Variants in ZNF487 observed in about 807,000 individuals in gnomAD.
ZNF487 encodes the protein zinc finger protein 487.
Under a neutral mutation model 3.0 loss-of-function variants are expected in ZNF487, and 4 were observed. The ratio of observed to expected loss-of-function variants is 1.35; its 90% CI spans 0.66 to 3.08. The LOEUF is 3.08. ZNF487 is among the 30% of genes most tolerant of loss of function. The probability of loss-of-function intolerance (pLI) is 0.01; values close to 1 mark genes in which losing one functional copy is unlikely to be tolerated. For missense variants in ZNF487, 146 were observed against 98.7 expected (o/e 1.48, Z -2.03); for synonymous variants, 55 against 34.6 (o/e 1.59, Z -2.06).
chr10:43,453,336 T>C (rs1272711776), intron 1 of ZNF487: 1 of 152,160 alleles, frequency 6.6e-6, no homozygotes, highest in Non-Finnish European at 1.5e-5. Context: ...AGATTCATAA[T>C]TGTAAGTCCT....
chr10:43,469,376 A>G (rs1219621338), intron 1 of ZNF487, among the ~76,000 whole-genome samples: 1 of 152,024 alleles, frequency 6.6e-6, no homozygotes, highest in Non-Finnish European at 1.5e-5. Flanking sequence ...GTATTTTTAT[A>G]GAGACGGGCT....
intron 1 of ZNF487, among the ~76,000 whole-genome samples, chr10:43,470,705 A>G (rs1840876794): frequency 6.6e-6 from 1 of 152,056 alleles, no homozygotes; most frequent in Non-Finnish European, 1.5e-5. Context: ...TTTATTGTAG[A>G]GATGGGATTT....
chr10:43,445,581 C>G (rs145490619), intron 1 of ZNF487, among the ~76,000 whole-genome samples: 1 of 150,422 alleles, frequency 6.6e-6, no homozygotes, highest in Non-Finnish European at 1.5e-5. Flanking sequence ...TTCCCCACTG[C>G]TAAGGCTAGA....
chr10:43,445,959 T>G (rs867204312), intron 1 of ZNF487, among the ~76,000 whole-genome samples: 9 of 152,178 alleles, frequency 5.9e-5, no homozygotes, highest in East Asian at 1.9e-4. Context: ...AACCCTGAGT[T>G]GACACAGCAC....
chr10:43,488,997 C>T, the ZNF487 span, among the ~76,000 whole-genome samples: 42 of 151,822 alleles, frequency 2.8e-4, no homozygotes, highest in South Asian at 5.2e-3. Flanking sequence ...GTGGCCTATG[C>T]GTGTAGTCCT....
At chr10:43,477,189 TTTTC>T in intron 3 of ZNF487, among the ~76,000 whole-genome samples, 1 of 152,136 alleles carries the variant, frequency 6.6e-6, no homozygotes, top group East Asian at 1.9e-4. Flanking sequence ...TTTTTTTTCT[TTTTC>T]TTTCTTTATT....
chr10:43,438,018 C>G (rs1286989866), intron 1 of ZNF487, among the ~76,000 whole-genome samples: 1 of 151,952 alleles, frequency 6.6e-6, no homozygotes, highest in Non-Finnish European at 1.5e-5. Context: ...GTTCCTTTGC[C>G]TCCTAGTGTT....
At chr10:43,451,180 A>T (rs1475273177) in intron 1 of ZNF487, among the ~76,000 whole-genome samples, 1 of 151,742 alleles carries the variant, frequency 6.6e-6, no homozygotes, top group Non-Finnish European at 1.5e-5. Flanking sequence ...TCCCGACCTC[A>T]GGTGATACGC....
intron 1 of ZNF487, among the ~76,000 whole-genome samples, chr10:43,440,723 G>A (rs1339579570): frequency 6.6e-6 from 1 of 150,906 alleles, no homozygotes; most frequent in Non-Finnish European, 1.5e-5. Context: ...GTGTAGTTCC[G>A]CCTCATGGCT....
chr10:43,495,785 T>G, the ZNF487 span, among the ~76,000 whole-genome samples: 1 of 152,200 alleles, frequency 6.6e-6, no homozygotes, highest in Non-Finnish European at 1.5e-5. Flanking sequence ...TTCCAGCACA[T>G]TGGGGAACTT....
chr10:43,467,818 GAAAA>G (rs548891339), intron 1 of ZNF487, among the ~76,000 whole-genome samples: 1 of 124,874 alleles, frequency 8.0e-6, no homozygotes, highest in Non-Finnish European at 1.7e-5. Flanking sequence ...CTCTATCTCA[GAAAA>G]AAAAAAAAAA....
chr10:43,440,732 C>T (rs1564410055), intron 1 of ZNF487, among the ~76,000 whole-genome samples: 1 of 151,722 alleles, frequency 6.6e-6, no homozygotes. Context: ...CGCCTCATGG[C>T]TCCCTCCTTT....
At chr10:43,513,956 G>T in the ZNF487 span, among the ~76,000 whole-genome samples, 1 of 152,166 alleles carries the variant, frequency 6.6e-6, no homozygotes, top group African/African-American at 2.4e-5. Context: ...CCTGGTAAAA[G>T]GTTGGAGGTC....
At chr10:43,466,015 G>A (rs61859962) in intron 1 of ZNF487, among the ~76,000 whole-genome samples, 4,259 of 152,086 alleles carry the variant, frequency 0.028, 96 homozygotes, top group South Asian at 0.041. Context: ...GCGAAACCCC[G>A]TCTCCACCAA....
chr10:43,456,828 G>A (rs1277096227), intron 1 of ZNF487, among the ~76,000 whole-genome samples: 1 of 152,116 alleles, frequency 6.6e-6, no homozygotes, highest in Non-Finnish European at 1.5e-5. Flanking sequence ...TGATCCGCGC[G>A]CCTCTGCCTC....
Position 43,475,757 on chromosome 10 carries a change from AC to A in ZNF487, c.-54del, listed in dbSNP as rs1207714021. The A allele has an allele frequency of 1.3e-6, 1 of 780,914 alleles. No individual in the cohort carries two copies. The allele number at this position is 780,914 out of a possible 1,614,324, so 48.4% of individuals were successfully genotyped here. ...CTTCAGTGATGTGGCTGTGGGCTTC[AC>A]CCAGGAGGAGTGGCAGCATCTGGAC... is the stretch of plus-strand genomic sequence containing the variant. On this transcript the variant is annotated 5_prime_UTR_variant, in exon 2 of 4. Transcript: ENST00000437590.
the ZNF487 span, among the ~76,000 whole-genome samples, chr10:43,501,866 G>A: frequency 6.6e-6 from 1 of 151,058 alleles, no homozygotes; most frequent in Non-Finnish European, 1.5e-5. Flanking sequence ...ATTTACAATA[G>A]CATTAAAAAA....
At chr10:43,443,799 C>T (rs1839705580) in intron 1 of ZNF487, among the ~76,000 whole-genome samples, 1 of 151,786 alleles carries the variant, frequency 6.6e-6, no homozygotes, top group South Asian at 2.1e-4. Context: ...GTTGGGAGTA[C>T]AGACACGAAC....
rs756039905 is a variant in ZNF487, at chr10:43,482,421, C to G, written c.*499C>G. The G allele has an allele frequency of 2.3e-5, 11 of 470,212 alleles. 1 individual carries two copies. The highest frequency in any genetic ancestry group is 1.5e-4 in the South Asian group (10 of 64,946). The allele number at this position is 470,212 out of a possible 1,614,324, so 29.1% of individuals were successfully genotyped here. A position where few individuals can be genotyped will look rare whatever the true frequency, so the allele number is the denominator to read the frequency against. Reference sequence around the variant, plus strand: ...AGAGGAGAGAAACCCTATGAATGCACTGAATGTGGGAAAACTTTTGGATAT... The same window carrying G: ...AGAGGAGAGAAACCCTATGAATGCAGTGAATGTGGGAAAACTTTTGGATAT... On this transcript the variant is annotated 3_prime_UTR_variant, in exon 4 of 4. Transcript: ENST00000437590.
Sources: allele counts gnomAD v4.1 joint callset (sites outside exome capture counted in the v4.1 genomes callset), GRCh38; gene constraint gnomAD v4.1.1; transcripts MANE v1.5; gene names NCBI Gene and HGNC (gene_info 2026-07-23, HGNC 2026-07-21).